The following ATG7 variants were observed in gnomAD, a reference collection of about 807,000 sequenced individuals.
ATG7 encodes ubiquitin-like modifier-activating enzyme ATG7.
In ATG7, 70 loss-of-function variants were observed where a neutral mutation model predicts 82.4. The ratio of observed to expected loss-of-function variants is 0.85; its 90% CI spans 0.70 to 1.04. ATG7 has a LOEUF of 1.04. Among genes scored for constraint, ATG7 ranks in the 50% least tolerant of loss-of-function variants. The probability of loss-of-function intolerance (pLI) is 0.00; values close to 1 mark genes in which losing one functional copy is unlikely to be tolerated. For synonymous variants in ATG7, 287 were observed against 313.0 expected, an observed-to-expected ratio of 0.92 and a Z score of 0.88; for missense variants, 792 against 864.3, an observed-to-expected ratio of 0.92 and a Z score of 1.05.
At chr3:11,562,113 G>C (rs2125115636), downstream of ATG7, among the ~76,000 whole-genome samples, 1 of 152,072 alleles carries the variant, frequency 6.6e-6, no homozygotes, top group East Asian at 1.9e-4. Flanking sequence ...GGCCAGGCTG[G>C]TCTCGAAATC....
chr3:11,394,333 GCT>G (rs1234880749), intron 19 of ATG7, among the ~76,000 whole-genome samples: 1 of 152,188 alleles, frequency 6.6e-6, no homozygotes, highest in Non-Finnish European at 1.5e-5. Flanking sequence ...ATTTAAACCA[GCT>G]CTCTTACTGA....
rs765107032 is a variant in ATG7 at position 11,348,008 on chromosome 3, C to A, written c.1257C>A (p.Asp419Glu). ...GGKPKALAAADRLQKIFPGVN... is the reference protein window; with the variant it reads ...GGKPKALAAAERLQKIFPGVN... ...AGCCCAAGGCTCTGGCAGCAGCGGA[C>A]CGGCTCCAGAAAATATTCCCCGGTG... is the stretch of plus-strand genomic sequence containing the variant. The change falls in exon 14 of 21, where the codon GAC becomes GAA. Residue 419 changes from aspartate (D) to glutamate (E), a missense_variant. Coordinates refer to ENST00000693202, the MANE Select transcript of ATG7 (RefSeq NM_001349232.2). 1 of 1,613,890 alleles carries A rather than the reference C, an allele frequency of 6.2e-7. No homozygotes were observed. Among genetic ancestry groups the A allele is most frequent in the Non-Finnish European group, 8.5e-7 (1 of 1,179,852 alleles).
At chr3:11,406,039 G>A (rs956176931) in intron 19 of ATG7, among the ~76,000 whole-genome samples, 4 of 150,588 alleles carry the variant, frequency 2.7e-5, no homozygotes, top group African/African-American at 2.4e-5. Context: ...ACCCAGGCTG[G>A]AGTGTAGTGG....
intron 10 of ATG7, among the ~76,000 whole-genome samples, chr3:11,332,033 T>C (rs1259905314): frequency 6.6e-6 from 1 of 152,348 alleles, no homozygotes; most frequent in East Asian, 1.9e-4. Flanking sequence ...CTCAAGTATA[T>C]TACTCACTGA....
At chr3:11,471,711 A>C (rs2087539406) in intron 20 of ATG7, among the ~76,000 whole-genome samples, 1 of 142,384 alleles carries the variant, frequency 7.0e-6, no homozygotes, top group Non-Finnish European at 1.5e-5. Flanking sequence ...TTTAGAACTC[A>C]GAAAAGTACT....
At chr3:11,281,228 G>C (rs1439297411) in intron 2 of ATG7, 126 bp downstream of exon 2, 1 of 152,216 alleles carries the variant, frequency 6.6e-6, no homozygotes, top group Non-Finnish European at 1.5e-5. Flanking sequence ...CATCAAAGGG[G>C]GTTCCATTTA....
intron 19 of ATG7, among the ~76,000 whole-genome samples, chr3:11,391,286 G>A (rs2078782393): frequency 6.6e-6 from 1 of 152,076 alleles, no homozygotes; most frequent in Non-Finnish European, 1.5e-5. Flanking sequence ...TTTCATGACA[G>A]CTGTAAATCT....
chr3:11,350,876 G>T (rs2075482176), intron 14 of ATG7, among the ~76,000 whole-genome samples: 1 of 145,714 alleles, frequency 6.9e-6, no homozygotes, highest in Non-Finnish European at 1.5e-5. Context: ...ATCGCTTAAG[G>T]CCAGAAGTTC....
At chr3:11,312,463 C>T (rs1222766697) in intron 7 of ATG7, among the ~76,000 whole-genome samples, 3 of 152,166 alleles carry the variant, frequency 2.0e-5, no homozygotes, top group Non-Finnish European at 4.4e-5. Context: ...GGTGGGGGAT[C>T]GGTCAGATAT....
At chr3:11,289,954 A>G (rs1944697798) in intron 3 of ATG7, among the ~76,000 whole-genome samples, 2 of 152,154 alleles carry the variant, frequency 1.3e-5, no homozygotes, top group South Asian at 2.1e-4. Flanking sequence ...TTGGTCGCAC[A>G]TCTTCCCAGT....
chr3:11,414,945 G>T (rs1313640547), intron 19 of ATG7, among the ~76,000 whole-genome samples: 1 of 152,214 alleles, frequency 6.6e-6, no homozygotes, highest in African/African-American at 2.4e-5. Context: ...ACAGTCATGT[G>T]TTGCTAAACG....
chr3:11,475,909 C>CACA (rs1479988312), intron 20 of ATG7, among the ~76,000 whole-genome samples: 7,193 of 104,522 alleles, frequency 0.069, 222 homozygotes, highest in East Asian at 0.12. Flanking sequence ...ACACACACAC[C>CACA]CCCTCCCAGA....
chr3:11,573,285 AAGAAAGAAAGAAAG>A, the ATG7 span, among the ~76,000 whole-genome samples: 1 of 12,440 alleles, frequency 8.0e-5, no homozygotes, highest in Non-Finnish European at 1.3e-4. Context: ...GAAAGAAAGA[AAGAAAGAAAGAAAG>A]AAAGAAAGGA....
At chr3:11,544,591 C>T (rs888668354) in intron 20 of ATG7, among the ~76,000 whole-genome samples, 7 of 152,226 alleles carry the variant, frequency 4.6e-5, no homozygotes, top group African/African-American at 1.7e-4. Flanking sequence ...CCCAGCTGCT[C>T]CCGCCTGGGG....
At chr3:11,491,716 T>C (rs1039381011) in intron 20 of ATG7, among the ~76,000 whole-genome samples, 7 of 152,300 alleles carry the variant, frequency 4.6e-5, no homozygotes, top group South Asian at 2.1e-4. Context: ...TGCAGGTCTG[T>C]TGGAGTTTGC....
rs76027522 is a variant in ATG7 at position 11,509,394 on chromosome 3, G to GT, written c.2080-45403dup. Among the ~76,000 whole-genome samples, 560 of 143,318 alleles carry GT rather than the reference G, an allele frequency of 3.9e-3. 1 individual carries two copies. The highest frequency in any genetic ancestry group is 0.037 in the East Asian group (181 of 4,940). The allele number at this position is 143,318 out of a possible 152,430, so 94.0% of individuals were successfully genotyped here. A position where few individuals can be genotyped will look rare whatever the true frequency, so the allele number is the denominator to read the frequency against. ...CTGATGCAACATGAATTTCAGTGTG[G>GT]TTTTTTTTTTTTTTAAGTGCCAAAT... is the stretch of plus-strand genomic sequence containing the variant. On this transcript the variant is annotated intron_variant, in intron 20 of 20. Transcript: ENST00000693202.
At position 11,470,085 on chromosome 3, in the gene ATG7, G is replaced by A. The variant is rs989142724; in HGVS notation, c.2079+43159G>A. Among the ~76,000 whole-genome samples, 3 of 150,716 alleles carry A rather than the reference G, an allele frequency of 2.0e-5. No individual in the cohort carries two copies. In the South Asian group the frequency reaches 6.3e-4, roughly 32 times the overall value. Reference sequence around the variant, plus strand: ...AGCACCTCTACCTTGTGCTTACAACGAAATTCAGTTAACTGTAAGATCTGG... The same window carrying A: ...AGCACCTCTACCTTGTGCTTACAACAAAATTCAGTTAACTGTAAGATCTGG... On this transcript the variant is annotated intron_variant, in intron 20 of 20. Transcript: ENST00000693202.
intron 20 of ATG7, among the ~76,000 whole-genome samples, chr3:11,497,533 C>CGA (rs1381636065): frequency 5.2e-5 from 4 of 77,450 alleles, no homozygotes; most frequent in African/African-American, 1.0e-4. Context: ...GAGACTCCAC[C>CGA]AAAAAAAAAA....
At chr3:11,558,454 T>TGCC, downstream of ATG7, 23 of 1,064,136 alleles carry the variant, frequency 2.2e-5, no homozygotes, top group East Asian at 6.6e-5. Context: ...TCCCTTCCCT[T>TGCC]CCCCCCACCC....
Sources: allele counts gnomAD v4.1 joint callset (sites outside exome capture counted in the v4.1 genomes callset), GRCh38; gene constraint gnomAD v4.1.1; transcripts MANE v1.5; gene names NCBI Gene and HGNC (gene_info 2026-07-23, HGNC 2026-07-21).